The following NCAPH variants were observed in gnomAD, a reference collection of about 807,000 sequenced individuals.
NCAPH encodes non-SMC condensin I complex subunit H, also known as condensin complex subunit 2.
NCAPH carries 38 observed loss-of-function variants against 85.5 expected under a neutral mutation model. The ratio of observed to expected loss-of-function variants is 0.44; its 90% CI spans 0.34 to 0.58. NCAPH has a LOEUF of 0.58. Among genes scored for constraint, NCAPH ranks in the 20% least tolerant of loss-of-function variants. The pLI is 0.01. For synonymous variants in NCAPH, 301 were observed against 335.1 expected, an observed-to-expected ratio of 0.90 and a Z score of 1.11; for missense variants, 789 against 916.6, an observed-to-expected ratio of 0.86 and a Z score of 1.80.
chr2:96,352,986 A>G (rs1194691184), intron 7 of NCAPH, among the ~76,000 whole-genome samples: 1 of 152,238 alleles, frequency 6.6e-6, no homozygotes, highest in Non-Finnish European at 1.5e-5. Flanking sequence ...TTTCCCAGCT[A>G]TAGCATAGGT....
At chr2:96,352,268 G>A (rs2064455197) in intron 7 of NCAPH, among the ~76,000 whole-genome samples, 1 of 152,122 alleles carries the variant, frequency 6.6e-6, no homozygotes, top group Non-Finnish European at 1.5e-5. Context: ...GGTACCTTAG[G>A]TGCCCACTGT....
At position 96,373,500 on chromosome 2, in the gene NCAPH, T is replaced by C; in HGVS notation, c.*149T>C. 2 of 715,082 alleles carry C rather than the reference T, an allele frequency of 2.8e-6. No homozygotes were observed. Among genetic ancestry groups the C allele is most frequent in the Non-Finnish European group, 4.8e-6 (2 of 418,056 alleles). 44.3% of individuals were successfully genotyped at this position (715,082 alleles called of 1,614,324 possible). On this transcript the variant is annotated 3_prime_UTR_variant, in exon 18 of 18. Transcript: ENST00000240423. ...CTGTTTGTTTGTTGCTCTTTCCTTCTCTCCATCATAGTCTGGGTGCCAGCG... is the reference window on the plus strand; with the variant it reads ...CTGTTTGTTTGTTGCTCTTTCCTTCCCTCCATCATAGTCTGGGTGCCAGCG...
At chr2:96,360,561 A>C (rs1264831533) in intron 11 of NCAPH, 27 bp from the exon 12 acceptor site, 2 of 1,612,680 alleles carry the variant, frequency 1.2e-6, no homozygotes, top group African/African-American at 2.7e-5. Flanking sequence ...AAAATGCCTA[A>C]AACACTTTTT....
chr2:96,347,318 A>G (rs1290256617), intron 6 of NCAPH, among the ~76,000 whole-genome samples: 1 of 147,280 alleles, frequency 6.8e-6, no homozygotes, highest in Admixed American at 6.8e-5. Context: ...CTTCAGACCC[A>G]TTTAGACATT....
chr2:96,344,193 C>T lies in NCAPH; in HGVS notation c.684C>T (p.Asn228=). 1.2e-6 allele frequency: 2 copies of T among 1,613,296 alleles called. No individual in the cohort carries two copies. Among genetic ancestry groups the T allele is most frequent in the Non-Finnish European group, 1.7e-6 (2 of 1,179,818 alleles). The change falls in exon 6 of 18, where the codon AAC becomes AAT. Residue 228 remains asparagine (N), a synonymous_variant. Transcript: ENST00000240423. ...ACAGAACTATTGAGCAGAACATAAACAACCTCAATGTCTCCGAAGCAGATC... is the reference window on the plus strand; with the variant it reads ...ACAGAACTATTGAGCAGAACATAAATAACCTCAATGTCTCCGAAGCAGATC... ...HLHRTIEQNI[N]NLNVSEADRK...
At chr2:96,340,709 T>A (rs1021909416) in intron 1 of NCAPH, among the ~76,000 whole-genome samples, 2 of 151,192 alleles carry the variant, frequency 1.3e-5, no homozygotes, top group African/African-American at 2.4e-5. Context: ...GTTTCTTAAC[T>A]CCTGGCCTCA....
chr2:96,360,731 C>CT, intron 12 of NCAPH, 21 bp downstream of exon 12: 1 of 1,613,570 alleles, frequency 6.2e-7, no homozygotes, highest in Non-Finnish European at 8.5e-7. Flanking sequence ...TTCTTGGTTC[C>CT]TTTAAGCACA....
chr2:96,340,355 C>T (rs1056066269), intron 1 of NCAPH, among the ~76,000 whole-genome samples: 13 of 151,472 alleles, frequency 8.6e-5, no homozygotes, highest in Admixed American at 6.6e-5. Context: ...CTATCTAACC[C>T]AGTAGGATGA....
In NCAPH at chr2:96,358,955, G is replaced by A; in HGVS notation, c.1209-90G>A. On this transcript the variant is annotated intron_variant, in intron 9 of 17. Coordinates refer to ENST00000240423, the MANE Select transcript of NCAPH (RefSeq NM_015341.5). ...TGAAGTTATTTGTATTGGACTCACA[G>A]AAATGCAGCTCATTTGCGGACATAT... 4 of 1,313,204 alleles carry A rather than the reference G, an allele frequency of 3.0e-6. No homozygotes were observed. In the South Asian group the frequency reaches 6.0e-5, roughly 20 times the overall value. The allele number at this position is 1,313,204 out of a possible 1,614,324, so 81.3% of individuals were successfully genotyped here.
intron 17 of NCAPH, among the ~76,000 whole-genome samples, chr2:96,371,128 C>T (rs2064767438): frequency 6.6e-6 from 1 of 152,190 alleles, no homozygotes; most frequent in Non-Finnish European, 1.5e-5. Flanking sequence ...ACAAGTGGCT[C>T]TGCTGAGGAT....
chr2:96,360,472 G>T, intron 11 of NCAPH, 116 bp from the exon 12 acceptor site: 1 of 1,231,546 alleles, frequency 8.1e-7, no homozygotes, highest in South Asian at 1.4e-5. Flanking sequence ...ACATAGAACT[G>T]TGAGACTGAT....
At chr2:96,371,138 T>G (rs1295329453) in intron 17 of NCAPH, among the ~76,000 whole-genome samples, 1 of 152,232 alleles carries the variant, frequency 6.6e-6, no homozygotes, top group Non-Finnish European at 1.5e-5. Context: ...CTGCTGAGGA[T>G]ATACCATCTG....
chr2:96,371,963 C>G (rs1053879241), intron 17 of NCAPH, among the ~76,000 whole-genome samples: 8 of 152,232 alleles, frequency 5.3e-5, no homozygotes, highest in South Asian at 4.1e-4. Context: ...ACGTGAGGCC[C>G]TCTGCCTTCA....
At chr2:96,367,446 C>CATCA in intron 15 of NCAPH, 73 bp downstream of exon 15, 1 of 1,121,622 alleles carries the variant, frequency 8.9e-7, no homozygotes, top group Non-Finnish European at 1.3e-6. Flanking sequence ...CAGCTGAAGA[C>CATCA]ACCTCGATTT....
intron 1 of NCAPH, 33 bp downstream of exon 1, chr2:96,335,881 G>T (rs1029835432): frequency 1.4e-6 from 2 of 1,447,484 alleles, no homozygotes; most frequent in Admixed American, 6.0e-5. Flanking sequence ...GCGGCGGGAA[G>T]GGCCCCTAGC....
intron 17 of NCAPH, among the ~76,000 whole-genome samples, chr2:96,370,851 G>A (rs2064762894): frequency 6.6e-6 from 1 of 152,158 alleles, no homozygotes; most frequent in African/African-American, 2.4e-5. Flanking sequence ...GAATGATTGT[G>A]CATCAGAGCC....
chr2:96,373,441 C>T lies in NCAPH; in HGVS notation c.*90C>T. ...TCTCGGGGGAAGAAGATGCCATGGG[C>T]TTATACCCAGGCTGTAGCCAACTAC... On this transcript the variant is annotated 3_prime_UTR_variant, in exon 18 of 18. Transcript: ENST00000240423. 7.9e-7 allele frequency: 1 copy of T among 1,261,646 alleles called. No individual in the cohort carries two copies. Among genetic ancestry groups the T allele is most frequent in the Non-Finnish European group, 1.2e-6 (1 of 867,770 alleles). 78.2% of individuals were successfully genotyped at this position (1,261,646 alleles called of 1,614,324 possible).
intron 6 of NCAPH, among the ~76,000 whole-genome samples, chr2:96,350,912 G>A (rs764402449): frequency 2.4e-4 from 36 of 152,194 alleles, no homozygotes; most frequent in Non-Finnish European, 4.7e-4. Flanking sequence ...CTAGCCTCTT[G>A]CTGCACATGT....
intron 9 of NCAPH, among the ~76,000 whole-genome samples, chr2:96,356,587 G>T (rs1248787514): frequency 6.6e-6 from 1 of 152,144 alleles, no homozygotes; most frequent in Non-Finnish European, 1.5e-5. Flanking sequence ...CAGGCTCAGA[G>T]AGTTTAATGG....
Sources: gnomAD v4.1 joint callset for allele counts (sites outside exome capture counted in the v4.1 genomes callset) on GRCh38, gnomAD v4.1.1 for gene constraint, MANE v1.5 for transcripts, NCBI Gene and HGNC (gene_info 2026-07-23, HGNC 2026-07-21) for gene names.